The following ACADSB variants were observed in gnomAD, a reference collection of about 807,000 sequenced individuals.
The protein encoded by ACADSB is short/branched chain specific acyl-CoA dehydrogenase, mitochondrial.
Under a neutral mutation model 54.1 loss-of-function variants are expected in ACADSB, and 40 were observed. The ratio of observed to expected loss-of-function variants is 0.74; its 90% CI spans 0.57 to 0.96. The LOEUF (loss-of-function observed/expected upper bound fraction) is 0.96, where lower values mean the gene tolerates loss of function less well. ACADSB is among the 40% of genes least tolerant of loss of function. ACADSB has a pLI of 0.00. For synonymous variants in ACADSB, 182 were observed against 182.8 expected, an observed-to-expected ratio of 1.00 and a Z score of 0.03; for missense variants, 530 against 510.4, an observed-to-expected ratio of 1.04 and a Z score of -0.37.
rs150034487 is a variant in ACADSB, at chr10:123,051,073, G to A, written c.1015G>A (p.Val339Met). 53 of 1,611,988 alleles carry A rather than the reference G, an allele frequency of 3.3e-5. No individual in the cohort carries two copies. Among genetic ancestry groups the A allele is most frequent in the Admixed American group, 2.5e-4 (15 of 59,936 alleles). The change falls in exon 9 of 11, where the codon GTG becomes ATG. Residue 339 changes from valine (V) to methionine (M), a missense_variant. Transcript: ENST00000358776. Reference sequence around the variant, plus strand: ...GGGCCTCCAACACCAAGTGGCTCACGTGGCCACCCAGCTGGAAGCTGCAAG... The same window carrying A: ...GGGCCTCCAACACCAAGTGGCTCACATGGCCACCCAGCTGGAAGCTGCAAG... ...FQGLQHQVAHVATQLEAARLL... is the reference protein window; with the variant it reads ...FQGLQHQVAHMATQLEAARLL...
chr10:123,043,570 A>C (rs1194970597), intron 6 of ACADSB, among the ~76,000 whole-genome samples: 1 of 152,180 alleles, frequency 6.6e-6, no homozygotes, highest in African/African-American at 2.4e-5. Context: ...CAGGCTATTA[A>C]ACGTGAGCAG....
intron 1 of ACADSB, among the ~76,000 whole-genome samples, chr10:123,009,404 G>A (rs1377646715): frequency 1.3e-5 from 2 of 152,120 alleles, no homozygotes; most frequent in African/African-American, 2.4e-5. Context: ...TGGATCTCTG[G>A]ATGCATTTTG....
chr10:123,028,123 A>G (rs750412687), intron 1 of ACADSB, among the ~76,000 whole-genome samples: 13 of 152,178 alleles, frequency 8.5e-5, no homozygotes, highest in Admixed American at 6.5e-5. Flanking sequence ...CTGAAAAACA[A>G]CTCACCACTT....
intron 1 of ACADSB, chr10:123,027,595 A>C (rs943662622): frequency 4.4e-6 from 2 of 452,250 alleles, no homozygotes; most frequent in African/African-American, 4.0e-5. Context: ...ATGGAACTGT[A>C]AGTCCAGTTA....
chr10:123,045,483 G>T (rs1295338883), intron 7 of ACADSB, among the ~76,000 whole-genome samples: 2 of 151,890 alleles, frequency 1.3e-5, no homozygotes, highest in African/African-American at 4.8e-5. Flanking sequence ...CCCGGCGTTT[G>T]TAGAGTATAT....
chr10:123,029,591 T>C (rs9423319), intron 1 of ACADSB, among the ~76,000 whole-genome samples: 5,882 of 152,314 alleles, frequency 0.039, 208 homozygotes, highest in East Asian at 0.12. Context: ...TTTAACTCTA[T>C]ACTATATTTT....
At chr10:123,012,813 T>G (rs1191972021) in intron 1 of ACADSB, among the ~76,000 whole-genome samples, 1 of 152,196 alleles carries the variant, frequency 6.6e-6, no homozygotes, top group African/African-American at 2.4e-5. Context: ...AGAACAAAGC[T>G]TCCACAGTGT....
intron 1 of ACADSB, among the ~76,000 whole-genome samples, chr10:123,026,554 G>A (rs1411394263): frequency 6.6e-6 from 1 of 152,072 alleles, no homozygotes; most frequent in Non-Finnish European, 1.5e-5. Flanking sequence ...ACCCCCAGAG[G>A]TAATGACTTT....
In ACADSB at chr10:123,054,089, C is replaced by T. The variant is rs1273035266; in HGVS notation, c.*324C>T. 18 of 327,300 alleles carry T rather than the reference C, an allele frequency of 5.5e-5. No individual in the cohort carries two copies. The highest frequency in any genetic ancestry group is 1.3e-4 in the Admixed American group (3 of 23,432). The allele number at this position is 327,300 out of a possible 1,614,324, so 20.3% of individuals were successfully genotyped here. ...TCACCCAGGCTAGAGTGCAGTGGCGCGATCTCAGCTCACTGCAGCCTTGAC... is the reference window on the plus strand; with the variant it reads ...TCACCCAGGCTAGAGTGCAGTGGCGTGATCTCAGCTCACTGCAGCCTTGAC... On this transcript the variant is annotated 3_prime_UTR_variant, in exon 11 of 11. Transcript: ENST00000358776.
chr10:123,029,660 AT>A (rs1321889086), intron 1 of ACADSB, among the ~76,000 whole-genome samples: 1 of 152,196 alleles, frequency 6.6e-6, no homozygotes, highest in Admixed American at 6.5e-5. Flanking sequence ...GCTATAAGAT[AT>A]TCTGTTGCAT....
intron 1 of ACADSB, among the ~76,000 whole-genome samples, chr10:123,013,547 G>A (rs998860543): frequency 6.6e-6 from 1 of 152,256 alleles, no homozygotes; most frequent in Admixed American, 6.5e-5. Flanking sequence ...GTGCAGTGGA[G>A]CAGGGGGTGG....
chr10:123,028,278 G>A (rs1850280951), intron 1 of ACADSB, among the ~76,000 whole-genome samples: 1 of 152,178 alleles, frequency 6.6e-6, no homozygotes, highest in African/African-American at 2.4e-5. Flanking sequence ...ATATTCAGCA[G>A]TTAGGATCTT....
Position 123,037,869 on chromosome 10 carries a change from C to T in ACADSB, c.303+22C>T, listed in dbSNP as rs763973362. ...AGGGGTACATTTCATAATTCTTCCA[C>T]TTTCAAGCTTCTATAATTAAATTCA... On this transcript the variant is annotated intron_variant, in intron 3 of 10. Coordinates refer to ENST00000358776, the MANE Select transcript of ACADSB (RefSeq NM_001609.4). 13 of 1,470,726 alleles carry T rather than the reference C, an allele frequency of 8.8e-6. No homozygotes were observed. In the South Asian group the frequency reaches 9.1e-5, roughly 10 times the overall value. 91.1% of individuals were successfully genotyped at this position (1,470,726 alleles called of 1,614,324 possible).
chr10:123,016,242 A>T (rs1850107578), intron 1 of ACADSB, among the ~76,000 whole-genome samples: 1 of 152,258 alleles, frequency 6.6e-6, no homozygotes, highest in African/African-American at 2.4e-5. Context: ...TTAATTGAGC[A>T]GCAAATTGGG....
chr10:123,040,174 C>T (rs1309355034), intron 3 of ACADSB, among the ~76,000 whole-genome samples: 4 of 129,066 alleles, frequency 3.1e-5, no homozygotes, highest in African/African-American at 1.3e-4. Flanking sequence ...GGCGAAACCC[C>T]ATCTCTACTA....
At chr10:123,038,449 C>T (rs11599564) in intron 3 of ACADSB, among the ~76,000 whole-genome samples, 9,241 of 152,220 alleles carry the variant, frequency 0.061, 328 homozygotes, top group Non-Finnish European at 0.087. Context: ...GGAAATACAA[C>T]GTATGAAATA....
rs766855943 is a variant in ACADSB at position 123,043,100 on chromosome 10, A to G, written c.736A>G (p.Ile246Val). The change falls in exon 6 of 11, where the codon ATA (isoleucine) becomes GTA (valine). Residue 246 changes from isoleucine to valine, a missense_variant. Transcript: ENST00000358776. ...AGATCGTGATACTCCGGGCCTTCATATAGGGAAACCTGAAAACAAATTGGG... is the reference window on the plus strand; with the variant it reads ...AGATCGTGATACTCCGGGCCTTCATGTAGGGAAACCTGAAAACAAATTGGG... ...LVDRDTPGLH[I>V]GKPENKLGLR... 86 of 1,613,914 alleles carry G rather than the reference A, an allele frequency of 5.3e-5. No individual in the cohort carries two copies. The highest frequency in any genetic ancestry group is 8.3e-5 in the Admixed American group (5 of 59,996).
At chr10:123,010,978 G>A (rs891899778) in intron 1 of ACADSB, among the ~76,000 whole-genome samples, 1 of 152,134 alleles carries the variant, frequency 6.6e-6, no homozygotes, top group Non-Finnish European at 1.5e-5. Flanking sequence ...AGTTTAGGAG[G>A]GGAAAGGAGT....
At chr10:123,051,472 C>T (rs573623744) in intron 9 of ACADSB, among the ~76,000 whole-genome samples, 11 of 152,032 alleles carry the variant, frequency 7.2e-5, no homozygotes, top group East Asian at 1.9e-4. Flanking sequence ...TGTGAGGTCT[C>T]CATGTTTCGT....
Sources: allele counts gnomAD v4.1 joint callset (sites outside exome capture counted in the v4.1 genomes callset), GRCh38; gene constraint gnomAD v4.1.1; transcripts MANE v1.5; gene names NCBI Gene and HGNC (gene_info 2026-07-23, HGNC 2026-07-21).